LINGO2: variants seen among roughly 807,000 people sequenced by gnomAD.
LINGO2 encodes leucine-rich repeat and immunoglobulin-like domain-containing nogo receptor-interacting protein 2.
A neutral mutation model predicts 30.6 loss-of-function variants in LINGO2; 14 were observed. The ratio of observed to expected loss-of-function variants is 0.46; its 90% CI spans 0.30 to 0.72. The LOEUF is 0.72. Ranked by LOEUF, LINGO2 falls within the 30% of genes least tolerant of loss-of-function variation. The pLI is 0.07. For missense variants in LINGO2, 729 were observed against 751.7 expected (o/e 0.97, Z 0.35); for synonymous variants, 317 against 288.5 (o/e 1.10, Z -1.00).
At chr9:27,955,520 T>G (rs1331496963) in intron 5 of LINGO2, among the ~76,000 whole-genome samples, 1 of 152,198 alleles carries the variant, frequency 6.6e-6, no homozygotes, top group Non-Finnish European at 1.5e-5. Context: ...TCACTATAGA[T>G]TAGTATTCAT....
At chr9:29,037,151 G>T in the LINGO2 span, among the ~76,000 whole-genome samples, 4 of 151,652 alleles carry the variant, frequency 2.6e-5, no homozygotes, top group African/African-American at 7.3e-5. Context: ...ATCCTTAAAA[G>T]TGTGGAACCT....
chr9:28,653,582 T>C (rs561391533), intron 1 of LINGO2, among the ~76,000 whole-genome samples: 7 of 152,142 alleles, frequency 4.6e-5, no homozygotes, highest in Non-Finnish European at 8.8e-5. Context: ...CATGACTTAT[T>C]TCCCTCTCAG....
chr9:28,444,072 G>T (rs531956069), intron 2 of LINGO2, among the ~76,000 whole-genome samples: 1 of 152,274 alleles, frequency 6.6e-6, no homozygotes, highest in Non-Finnish European at 1.5e-5. Context: ...AACTTTGGGT[G>T]TCCTGAGAGC....
At chr9:28,018,991 A>G (rs2119339612) in intron 4 of LINGO2, among the ~76,000 whole-genome samples, 1 of 152,290 alleles carries the variant, frequency 6.6e-6, no homozygotes, top group Non-Finnish European at 1.5e-5. Flanking sequence ...ACATGAGTGG[A>G]GCTGGGGGCC....
chr9:29,096,734 A>G, the LINGO2 span, among the ~76,000 whole-genome samples: 1 of 140,500 alleles, frequency 7.1e-6, no homozygotes, highest in Non-Finnish European at 1.6e-5. Flanking sequence ...GTTCTTTAGC[A>G]TTTGGTTTTC....
At chr9:27,939,633 T>C in the LINGO2 span, 1 of 152,244 alleles carries the variant, frequency 6.6e-6, no homozygotes, top group Non-Finnish European at 1.5e-5. Context: ...TGGATTTGTG[T>C]GTGCAGGTTT....
At chr9:28,023,159 A>G (rs1823217858) in intron 4 of LINGO2, among the ~76,000 whole-genome samples, 1 of 152,182 alleles carries the variant, frequency 6.6e-6, no homozygotes, top group African/African-American at 2.4e-5. Context: ...TCACAGAATC[A>G]GTCTGATTCT....
Position 28,626,054 on chromosome 9 carries a change from G to C in LINGO2, c.-365+44146C>G, listed in dbSNP as rs78339826. On this transcript the variant is annotated intron_variant, in intron 1 of 5. Transcript: ENST00000379992. ...TCTTCAAAGTGGTGGCAACATTTGA[G>C]AATTCCGCTTGCTTCACAAATGCCA... Among the ~76,000 whole-genome samples the C allele has an allele frequency of 8.1e-3, 1,231 of 152,174 alleles. 6 individuals are homozygous for C. Among genetic ancestry groups the C allele is most frequent in the Non-Finnish European group, 0.013 (873 of 67,970 alleles).
At chr9:29,109,983 C>A in the LINGO2 span, among the ~76,000 whole-genome samples, 1 of 152,156 alleles carries the variant, frequency 6.6e-6, no homozygotes, top group African/African-American at 2.4e-5. Flanking sequence ...AAGATACTTC[C>A]TATCAGTTAA....
the LINGO2 span, among the ~76,000 whole-genome samples, chr9:28,825,560 T>G: frequency 3.7e-5 from 3 of 82,130 alleles, no homozygotes; most frequent in Non-Finnish European, 1.0e-4. Context: ...TCAGCTCATT[T>G]GTATCTGGTT....
intron 1 of LINGO2, among the ~76,000 whole-genome samples, chr9:28,662,000 A>G (rs905513832): frequency 6.6e-6 from 1 of 152,222 alleles, no homozygotes; most frequent in African/African-American, 2.4e-5. Context: ...CACACACAGC[A>G]TAATGGAAAT....
the LINGO2 span, among the ~76,000 whole-genome samples, chr9:29,001,779 C>CATAT: frequency 8.6e-5 from 13 of 151,428 alleles, no homozygotes; most frequent in East Asian, 1.7e-3. Flanking sequence ...TACTATATTG[C>CATAT]ATATATATAT....
chr9:28,415,565 G>T (rs12003487), intron 2 of LINGO2, among the ~76,000 whole-genome samples: 44,661 of 152,012 alleles, frequency 0.29, 7,695 homozygotes, highest in Middle Eastern at 0.38. Flanking sequence ...CCAATTCAGG[G>T]TCTCTGAATG....
chr9:28,748,721 A>C, the LINGO2 span, among the ~76,000 whole-genome samples: 1 of 152,158 alleles, frequency 6.6e-6, no homozygotes, highest in African/African-American at 2.4e-5. Flanking sequence ...AAATTGAGTA[A>C]TTTTATGAAC....
chr9:28,841,637 T>C, the LINGO2 span, among the ~76,000 whole-genome samples: 1 of 151,554 alleles, frequency 6.6e-6, no homozygotes, highest in Admixed American at 6.6e-5. Flanking sequence ...TAAAGCAGAA[T>C]ATTAGATTAG....
chr9:28,579,084 A>G (rs1051745910), intron 1 of LINGO2, among the ~76,000 whole-genome samples: 1 of 150,548 alleles, frequency 6.6e-6, no homozygotes, highest in Non-Finnish European at 1.5e-5. Flanking sequence ...TTCTACAGCT[A>G]CACAGTATGT....
chr9:28,476,418 G>T (rs1825730515), intron 1 of LINGO2, among the ~76,000 whole-genome samples: 1 of 152,136 alleles, frequency 6.6e-6, no homozygotes, highest in Non-Finnish European at 1.5e-5. Context: ...TGGGACTACA[G>T]GCGCCCGCCA....
intron 4 of LINGO2, among the ~76,000 whole-genome samples, chr9:28,198,062 C>A (rs1331464902): frequency 6.7e-6 from 1 of 149,634 alleles, no homozygotes; most frequent in African/African-American, 2.4e-5. Flanking sequence ...TTGAGCACAG[C>A]AATCAAAATT....
intron 4 of LINGO2, among the ~76,000 whole-genome samples, chr9:28,248,988 G>T (rs1235474962): frequency 6.6e-6 from 1 of 151,868 alleles, no homozygotes; most frequent in Non-Finnish European, 1.5e-5. Flanking sequence ...GCTTTTCTAG[G>T]GCTTCTACAG....
Sources: gnomAD v4.1 joint callset for allele counts (sites outside exome capture counted in the v4.1 genomes callset) on GRCh38, gnomAD v4.1.1 for gene constraint, MANE v1.5 for transcripts, NCBI Gene and HGNC (gene_info 2026-07-23, HGNC 2026-07-21) for gene names.